Variants in DOCK1 observed in about 807,000 individuals in gnomAD.
DOCK1 encodes the protein dedicator of cytokinesis protein 1.
A neutral mutation model predicts 262.7 loss-of-function variants in DOCK1; 138 were observed. The ratio of observed to expected loss-of-function variants is 0.53; its 90% CI spans 0.46 to 0.61. The LOEUF is 0.61. DOCK1 is among the 20% of genes least tolerant of loss of function. DOCK1 has a pLI of 0.00. For missense variants in DOCK1, 1,908 were observed against 2,370.7 expected (o/e 0.80, Z 4.05); for synonymous variants, 866 against 867.4 (o/e 1.00, Z 0.03).
intron 46 of DOCK1, among the ~76,000 whole-genome samples, chr10:127,421,508 CCAGTT>C (rs1291360143): frequency 6.6e-6 from 1 of 152,104 alleles, no homozygotes; most frequent in Non-Finnish European, 1.5e-5. Context: ...TTTTAAGTGT[CCAGTT>C]CAGAGGCAAT....
At chr10:127,042,868 TTC>T (rs2044111665) in intron 20 of DOCK1, among the ~76,000 whole-genome samples, 154 bp downstream of exon 20, 1 of 152,164 alleles carries the variant, frequency 6.6e-6, no homozygotes, top group Non-Finnish European at 1.5e-5. Context: ...CAGATTTTTT[TTC>T]TCTTTTTTTT....
intron 46 of DOCK1, among the ~76,000 whole-genome samples, chr10:127,421,273 C>T (rs2068490989): frequency 6.6e-6 from 1 of 152,088 alleles, no homozygotes; most frequent in East Asian, 1.9e-4. Flanking sequence ...GCCTCTCTGT[C>T]ATCAGCACAT....
chr10:127,215,567 C>T (rs1305252824), intron 27 of DOCK1, among the ~76,000 whole-genome samples: 1 of 152,196 alleles, frequency 6.6e-6, no homozygotes, highest in East Asian at 1.9e-4. Flanking sequence ...TGTGAACAAA[C>T]AGCTCTGCCT....
chr10:127,322,844 G>A (rs2720967), intron 29 of DOCK1, among the ~76,000 whole-genome samples: 104,197 of 151,724 alleles, frequency 0.69, 37,302 homozygotes, highest in African/African-American at 0.9. Context: ...ATTTACAGAA[G>A]AAGTGTACTG....
At chr10:127,060,459 G>C (rs2045458200) in intron 22 of DOCK1, among the ~76,000 whole-genome samples, 1 of 152,146 alleles carries the variant, frequency 6.6e-6, no homozygotes, top group Non-Finnish European at 1.5e-5. Context: ...TTAAATATCA[G>C]ACTACCTCTA....
At chr10:127,436,163 T>A (rs889155590) in intron 48 of DOCK1, among the ~76,000 whole-genome samples, 3 of 152,180 alleles carry the variant, frequency 2.0e-5, no homozygotes, top group African/African-American at 4.8e-5. Context: ...GCCTTAATGA[T>A]CTAAGTCAAT....
chr10:127,338,251 C>T (rs1345169356), intron 29 of DOCK1, among the ~76,000 whole-genome samples: 1 of 152,190 alleles, frequency 6.6e-6, no homozygotes, highest in Non-Finnish European at 1.5e-5. Context: ...ATTGTAAGCA[C>T]TTTCAAGCGT....
At chr10:126,917,709 G>A (rs1467783106) in intron 1 of DOCK1, among the ~76,000 whole-genome samples, 2 of 152,168 alleles carry the variant, frequency 1.3e-5, no homozygotes, top group African/African-American at 4.8e-5. Flanking sequence ...CGAGAGCTGA[G>A]GGCCCAGTGA....
At chr10:127,323,712 A>G (rs1023190618) in intron 29 of DOCK1, among the ~76,000 whole-genome samples, 2 of 152,338 alleles carry the variant, frequency 1.3e-5, no homozygotes, top group Middle Eastern at 6.8e-3. Context: ...GGTGAACCTC[A>G]TGGATTCTTT....
intron 1 of DOCK1, among the ~76,000 whole-genome samples, chr10:126,906,327 C>A (rs1177347741): frequency 6.6e-6 from 1 of 152,178 alleles, no homozygotes; most frequent in Admixed American, 6.5e-5. Context: ...TCCCTTGCGG[C>A]TGAATAGACG....
intron 27 of DOCK1, among the ~76,000 whole-genome samples, chr10:127,146,767 T>A (rs2133382028): frequency 6.6e-6 from 1 of 152,252 alleles, no homozygotes; most frequent in South Asian, 2.1e-4. Context: ...CATGAAGAGA[T>A]AATCGCTGAA....
intron 47 of DOCK1, among the ~76,000 whole-genome samples, chr10:127,428,908 C>T (rs572828673): frequency 1.2e-4 from 12 of 101,090 alleles, no homozygotes; most frequent in African/African-American, 3.0e-4. Context: ...TGGATTGAGC[C>T]GTGTGGATTG....
At chr10:127,262,726 C>G (rs779085056) in intron 29 of DOCK1, among the ~76,000 whole-genome samples, 1 of 152,212 alleles carries the variant, frequency 6.6e-6, no homozygotes, top group Non-Finnish European at 1.5e-5. Context: ...CATTCCCATT[C>G]TTTGTGAGGC....
intron 29 of DOCK1, among the ~76,000 whole-genome samples, chr10:127,264,752 C>T (rs12253883): frequency 6.6e-6 from 1 of 152,052 alleles, no homozygotes; most frequent in African/African-American, 2.4e-5. Context: ...CCTTTAACTA[C>T]TGGGTTCAAG....
At chr10:126,942,094 G>A (rs1409996312) in intron 1 of DOCK1, among the ~76,000 whole-genome samples, 2 of 151,766 alleles carry the variant, frequency 1.3e-5, no homozygotes, top group Non-Finnish European at 1.5e-5. Context: ...GCACGATCTC[G>A]GCTCACTGCA....
rs570945754 is a variant in DOCK1 at position 127,384,759 on chromosome 10, C to T, written c.3808-31C>T. Reference sequence around the variant, plus strand: ...CTGACGTCCCTGGGTGTTTCCGCCTCGGGTCCGCTCATGCTATGCTTCTCC... The same window carrying T: ...CTGACGTCCCTGGGTGTTTCCGCCTTGGGTCCGCTCATGCTATGCTTCTCC... On this transcript the variant is annotated intron_variant, in intron 37 of 51. Transcript: ENST00000623213. The T allele has an allele frequency of 1.4e-5, 22 of 1,521,856 alleles. No homozygotes were observed. In the East Asian group the frequency reaches 2.4e-4, roughly 16 times the overall value. The allele number at this position is 1,521,856 out of a possible 1,614,324, so 94.3% of individuals were successfully genotyped here.
chr10:127,253,023 C>T (rs917866312), intron 28 of DOCK1, among the ~76,000 whole-genome samples: 11 of 152,194 alleles, frequency 7.2e-5, no homozygotes, highest in Admixed American at 2.6e-4. Context: ...AGAGCACAAG[C>T]GGAATGACTG....
intron 43 of DOCK1, among the ~76,000 whole-genome samples, chr10:127,412,057 G>A (rs1370598791): frequency 1.3e-5 from 2 of 151,872 alleles, no homozygotes; most frequent in Non-Finnish European, 2.9e-5. Flanking sequence ...CCGCCTCCCA[G>A]GTTCACGCCA....
intron 27 of DOCK1, among the ~76,000 whole-genome samples, chr10:127,200,486 T>G (rs2134225182): frequency 6.6e-6 from 1 of 152,300 alleles, no homozygotes; most frequent in Non-Finnish European, 1.5e-5. Flanking sequence ...TGGCGTGATG[T>G]CAGTTTACTG....
Sources: allele counts gnomAD v4.1 joint callset (sites outside exome capture counted in the v4.1 genomes callset), GRCh38; gene constraint gnomAD v4.1.1; transcripts MANE v1.5; gene names NCBI Gene and HGNC (gene_info 2026-07-23, HGNC 2026-07-21).